The following MINAR1 variants were observed in gnomAD, a reference collection of about 807,000 sequenced individuals.
The protein encoded by MINAR1 is major intrinsically disordered Notch2-binding receptor 1.
MINAR1 carries 40 observed loss-of-function variants against 65.1 expected under a neutral mutation model. The ratio of observed to expected loss-of-function variants is 0.61; its 90% CI spans 0.48 to 0.80. The LOEUF (loss-of-function observed/expected upper bound fraction) is 0.80, where lower values mean the gene tolerates loss of function less well. Among genes scored for constraint, MINAR1 ranks in the 30% least tolerant of loss-of-function variants. The pLI is 0.00. For synonymous variants in MINAR1, 482 were observed against 449.1 expected, an observed-to-expected ratio of 1.07 and a Z score of -0.93; for missense variants, 1,128 against 1,148.0, an observed-to-expected ratio of 0.98 and a Z score of 0.25.
At chr15:79,421,772 C>T in the MINAR1 span, 6 of 152,374 alleles carry the variant, frequency 3.9e-5, no homozygotes, top group South Asian at 1.2e-3. Context: ...GACACCTGCC[C>T]ACCTGCCTGT....
chr15:79,413,795 G>C, the MINAR1 span: 1 of 152,166 alleles, frequency 6.6e-6, no homozygotes, highest in Non-Finnish European at 1.5e-5. Flanking sequence ...TACCAACCTC[G>C]TCATGACTGT....
the MINAR1 span, chr15:79,423,031 A>G: frequency 6.6e-6 from 1 of 152,260 alleles, no homozygotes; most frequent in African/African-American, 2.4e-5. Flanking sequence ...AAGTCTGTTA[A>G]TTGTATTGAC....
chr15:79,463,854 T>C (rs778798320), intron 3 of MINAR1: 12 of 427,074 alleles, frequency 2.8e-5, no homozygotes, highest in Non-Finnish European at 5.2e-5. Context: ...TTGGCCACAC[T>C]TTTATTTTGG....
the MINAR1 span, chr15:79,424,315 A>T: frequency 6.6e-6 from 1 of 152,164 alleles, no homozygotes; most frequent in Non-Finnish European, 1.5e-5. Context: ...ACCCTTTTCG[A>T]TTGAGTTTCC....
Position 79,470,446 on chromosome 15 carries a change from T to C in MINAR1, c.*2062T>C, listed in dbSNP as rs1280448030. ...TCTGGATTTGCAGAAGAGGGGGAGA[T>C]GTACTTACCCAGGATAAGAAAAATC... On this transcript the variant is annotated 3_prime_UTR_variant, in exon 4 of 4. Coordinates refer to ENST00000305428, the MANE Select transcript of MINAR1 (RefSeq NM_015206.3). 6.7e-6 allele frequency: 1 copy of C among 150,086 alleles called. No individual in the cohort carries two copies. Among genetic ancestry groups the C allele is most frequent in the Non-Finnish European group, 1.5e-5 (1 of 68,006 alleles). The allele number at this position is 150,086 out of a possible 1,614,324, so 9.3% of individuals were successfully genotyped here.
the MINAR1 span, chr15:79,427,185 A>T: frequency 6.6e-6 from 1 of 152,204 alleles, no homozygotes; most frequent in Admixed American, 6.5e-5. Flanking sequence ...CAAATAATGC[A>T]TGTTCTCACT....
intron 1 of MINAR1, among the ~76,000 whole-genome samples, chr15:79,452,466 G>A (rs894320898): frequency 1.3e-5 from 2 of 151,618 alleles, no homozygotes; most frequent in African/African-American, 4.9e-5. Context: ...GTGAGTCTGG[G>A]TGTGAAGCTG....
intron 3 of MINAR1, among the ~76,000 whole-genome samples, chr15:79,465,409 G>A (rs1025783369): frequency 1.3e-5 from 2 of 150,120 alleles, no homozygotes; most frequent in African/African-American, 5.0e-5. Flanking sequence ...TGCAGACCCC[G>A]TTCTTCTTTC....
In MINAR1 at chr15:79,471,244, C is replaced by T. The variant is rs1051065810; in HGVS notation, c.*2860C>T. On this transcript the variant is annotated 3_prime_UTR_variant, in exon 4 of 4. Coordinates refer to ENST00000305428, the MANE Select transcript of MINAR1 (RefSeq NM_015206.3). The stretch of plus-strand genomic sequence containing the variant: ...CTTGTACCTGAGTCTAAAATTACAA[C>T]GTTATCAAAATTCACTTCGTTTTTC... 3.9e-5 allele frequency: 6 copies of T among 152,244 alleles called. No individual in the cohort carries two copies. Among genetic ancestry groups the T allele is most frequent in the East Asian group, 3.9e-4 (2 of 5,190 alleles). The allele number at this position is 152,244 out of a possible 1,614,324, so 9.4% of individuals were successfully genotyped here.
At chr15:79,452,985 A>G (rs72630408) in intron 1 of MINAR1, among the ~76,000 whole-genome samples, 16,519 of 151,188 alleles carry the variant, frequency 0.11, 1,359 homozygotes, top group African/African-American at 0.23. Context: ...GCCCTGGGAC[A>G]TATGTGCATG....
rs761564532 is a variant in MINAR1 at position 79,458,286 on chromosome 15, AGAG to A, written c.2143_2145del (p.Glu715del). 6.1e-4 allele frequency: 989 copies of A among 1,614,184 alleles called. 3 individuals carry two copies. Among genetic ancestry groups the A allele is most frequent in the Non-Finnish European group, 7.7e-4 (911 of 1,180,034 alleles). ...CCAGGCCATCCTCTAGGTCCCTAAC[AGAG>A]GAGAACAGTGCCACAGAGTCCAAAA... is the stretch of plus-strand genomic sequence containing the variant. On this transcript the variant is annotated inframe_deletion, in exon 2 of 4. Coordinates refer to ENST00000305428, the MANE Select transcript of MINAR1 (RefSeq NM_015206.3).
upstream of MINAR1, among the ~76,000 whole-genome samples, chr15:79,431,530 C>G (rs1361577460): frequency 6.7e-6 from 1 of 149,224 alleles, no homozygotes; most frequent in Non-Finnish European, 1.5e-5. Flanking sequence ...GGGAGAGAAA[C>G]AGGGAGGGGT....
rs372256339 is a variant in MINAR1, at chr15:79,456,472, C to T, written c.325C>T (p.Arg109Cys). The T allele has an allele frequency of 8.6e-5, 139 of 1,614,080 alleles. No homozygotes were observed. Among genetic ancestry groups the T allele is most frequent in the Non-Finnish European group, 1.0e-4 (120 of 1,180,040 alleles). ...GAAKEKLPTG[R>C]QKVRKKEASF... ...TGCCAAGGAGAAGCTGCCCACGGGCCGCCAGAAGGTACGCAAGAAGGAGGC... is the reference window on the plus strand; with the variant it reads ...TGCCAAGGAGAAGCTGCCCACGGGCTGCCAGAAGGTACGCAAGAAGGAGGC... The change falls in exon 2 of 4, where the codon CGC becomes TGC. Residue 109 changes from arginine to cysteine, a missense_variant. By Grantham distance (180) the Arg-to-Cys change is radical. Transcript: ENST00000305428.
rs1896072993 is a variant in MINAR1 at position 79,471,367 on chromosome 15, AATC to A, written c.*2986_*2988del. 1 of 152,612 alleles carries A rather than the reference AATC, an allele frequency of 6.6e-6. No homozygotes were observed. Among genetic ancestry groups the A allele is most frequent in the Admixed American group, 6.5e-5 (1 of 15,280 alleles). 9.5% of individuals were successfully genotyped at this position (152,612 alleles called of 1,614,324 possible). A position where few individuals can be genotyped will look rare whatever the true frequency, so the allele number is the denominator to read the frequency against. On this transcript the variant is annotated 3_prime_UTR_variant, in exon 4 of 4. Transcript: ENST00000305428. ...TCATAATCATTTCATCTTCTTTCAT[AATC>A]ATTTCATCTTCTAATCTGAATTTGT...
upstream of MINAR1, among the ~76,000 whole-genome samples, chr15:79,431,901 T>A (rs1342662802): frequency 6.6e-6 from 1 of 152,108 alleles, no homozygotes; most frequent in Non-Finnish European, 1.5e-5. Flanking sequence ...ACTCCCACTT[T>A]CCTCCGCCGC....
In MINAR1 at chr15:79,457,559, C is replaced by T. The variant is rs758989301; in HGVS notation, c.1412C>T (p.Thr471Ile). Residue 471 changes from threonine (T) to isoleucine (I), a missense_variant, in exon 2 of 4, where the codon ACC becomes ATC. Thr to Ile is a moderately conservative substitution (Grantham distance 89). Coordinates refer to ENST00000305428, the MANE Select transcript of MINAR1 (RefSeq NM_015206.3). The stretch of plus-strand genomic sequence containing the variant: ...ACCAGTGGGCAGCTCAGCTCAGACA[C>T]CAGTAGCGTGGGCACCCAGACTGAG... Reference protein sequence around the residue: ...NCTSGQLSSDTSSVGTQTEHV... With the variant: ...NCTSGQLSSDISSVGTQTEHV... 6.2e-7 allele frequency: 1 copy of T among 1,614,162 alleles called. No individual in the cohort carries two copies. Among genetic ancestry groups the T allele is most frequent in the South Asian group, 1.1e-5 (1 of 91,084 alleles).
chr15:79,452,275 T>G (rs1895233864), intron 1 of MINAR1, among the ~76,000 whole-genome samples: 3 of 151,818 alleles, frequency 2.0e-5, no homozygotes, highest in Admixed American at 2.0e-4. Flanking sequence ...TGTGTTTAGG[T>G]CTGTGTGAGT....
intron 1 of MINAR1, among the ~76,000 whole-genome samples, chr15:79,445,212 T>C (rs147391496): frequency 1.3e-5 from 2 of 152,128 alleles, no homozygotes; most frequent in African/African-American, 2.4e-5. Context: ...CTCACACTTA[T>C]TAGAGTGCTT....
Position 79,463,156 on chromosome 15 carries a change from C to G in MINAR1, c.2388C>G (p.His796Gln). ...TGGTGGAGCAGGTGTTCAGCCCTCA[C>G]CCCTACCCTGCCTCCCTCAAGGCCC... ...GFLVEQVFSP[H>Q]PYPASLKAHM... The change falls in exon 3 of 4, where the codon CAC becomes CAG. Residue 796 changes from histidine (H) to glutamine (Q), a missense_variant. By Grantham distance (24) the His-to-Gln change is conservative. Transcript: ENST00000305428. The G allele has an allele frequency of 6.2e-7, 1 of 1,614,238 alleles. No individual in the cohort carries two copies. The highest frequency in any genetic ancestry group is 8.5e-7 in the Non-Finnish European group (1 of 1,180,042).
Sources: gnomAD v4.1 joint callset for allele counts (sites outside exome capture counted in the v4.1 genomes callset) on GRCh38, gnomAD v4.1.1 for gene constraint, MANE v1.5 for transcripts, NCBI Gene and HGNC (gene_info 2026-07-23, HGNC 2026-07-21) for gene names.